Variants in DDX11 observed in about 807,000 individuals in gnomAD.
DDX11 encodes the protein DEAD/H-box helicase 11.
Under a neutral mutation model 125.2 loss-of-function variants are expected in DDX11, and 72 were observed. The ratio of observed to expected loss-of-function variants is 0.58; its 90% confidence interval spans 0.48 to 0.70. The LOEUF is 0.70. Among genes scored for constraint, DDX11 ranks in the 30% least tolerant of loss-of-function variants. The pLI, the probability that DDX11 is intolerant of heterozygous loss-of-function variation, is 0.00. For synonymous variants in DDX11, 347 were observed against 452.6 expected (o/e 0.77, Z 2.96); for missense variants, 883 against 1,165.0 (o/e 0.76, Z 3.52).
Position 31,101,894 on chromosome 12 carries a change from G to T in DDX11, c.2114G>T (p.Cys705Phe). The change falls in exon 21 of 27, where the codon TGT becomes TTT. Residue 705 changes from cysteine (C) to phenylalanine (F), a missense_variant. This residue lies in a region of DDX11 where 285 missense variants were observed against 346.0 expected (regional missense o/e 0.82). Coordinates refer to ENST00000542838, the MANE Select transcript of DDX11 (RefSeq NM_030653.4). The part of the protein sequence containing the change: ...LCGVVPGGVV[C>F]FFPSYEYLRQ... Reference sequence around the variant, plus strand: ...GGTGTGGTTCCTGGAGGGGTGGTCTGTTTCTTCCCCTCCTACGAGTACCTG... The same window carrying T: ...GGTGTGGTTCCTGGAGGGGTGGTCTTTTTCTTCCCCTCCTACGAGTACCTG... 1 of 1,613,932 alleles carries T rather than the reference G, an allele frequency of 6.2e-7. No individual in the cohort carries two copies. The highest frequency in any genetic ancestry group is 8.5e-7 in the Non-Finnish European group (1 of 1,179,836).
intron 2 of DDX11, among the ~76,000 whole-genome samples, chr12:31,079,712 C>T (rs879403923): frequency 2.0e-5 from 3 of 152,168 alleles, no homozygotes; most frequent in Non-Finnish European, 4.4e-5. Flanking sequence ...TGGTCTCGAA[C>T]TCAAGCGATC....
intron 20 of DDX11, 135 bp downstream of exon 20, chr12:31,101,265 C>T (rs1946326638): frequency 1.3e-5 from 10 of 768,716 alleles, no homozygotes; most frequent in Non-Finnish European, 1.8e-5. Context: ...CTTAGAGCCA[C>T]ACAGAATGAG....
rs556767019 is a variant in DDX11, at chr12:31,097,997, G to A, written c.1875G>A (p.Pro625=). ...TCATTGCGGGGGGTACCATGCAGCC[G>A]GTAAGGACACCTTTCCCAGCCCCTC... ...AVVIAGGTMQ[P]VSDFRQQLLA... is the part of the protein sequence containing the mutation. The change falls in exon 18 of 27, where the codon CCG becomes CCA. Residue 625 remains proline (P), a splice_region_variant and synonymous_variant. Coordinates refer to ENST00000542838, the MANE Select transcript of DDX11 (RefSeq NM_030653.4). The A allele has an allele frequency of 2.5e-5, 40 of 1,612,634 alleles. No individual in the cohort carries two copies. The highest frequency in any genetic ancestry group is 1.7e-4 in the Middle Eastern group (1 of 6,046).
rs536729996 is a variant in DDX11, at chr12:31,073,914, T to C, written c.-182T>C. On this transcript the variant is annotated 5_prime_UTR_variant, in exon 1 of 27. Transcript: ENST00000542838. ...CCCGCCAGTTTCTAACTCAGTGGCG[T>C]TTGCCCTGATTCCCGGGGCCTGGCT... 1.3e-5 allele frequency: 2 copies of C among 152,360 alleles called. No homozygotes were observed. Among genetic ancestry groups the C allele is most frequent in the Non-Finnish European group, 1.5e-5 (1 of 68,036 alleles). 9.4% of individuals were successfully genotyped at this position (152,360 alleles called of 1,614,324 possible). A position where few individuals can be genotyped will look rare whatever the true frequency, so the allele number is the denominator to read the frequency against.
At chr12:31,075,514 T>C (rs1940576745) in intron 1 of DDX11, among the ~76,000 whole-genome samples, 1 of 151,768 alleles carries the variant, frequency 6.6e-6, no homozygotes, top group Non-Finnish European at 1.5e-5. Flanking sequence ...TCAGTTTCTT[T>C]CTCTATAAAA....
At chr12:31,094,913 G>A in intron 14 of DDX11, 91 bp downstream of exon 14, 1 of 1,426,094 alleles carries the variant, frequency 7.0e-7, no homozygotes, top group South Asian at 1.2e-5. Context: ...GTAGAAGGAA[G>A]AAAAAGCAAA....
At chr12:31,100,146 G>A (rs985098595) in intron 18 of DDX11, among the ~76,000 whole-genome samples, 5 of 152,094 alleles carry the variant, frequency 3.3e-5, no homozygotes, top group African/African-American at 2.4e-5. Flanking sequence ...CTAAATATGG[G>A]ATTCCTGGGT....
intron 5 of DDX11, chr12:31,087,599 T>C (rs1943379885): frequency 2.5e-6 from 1 of 397,240 alleles, no homozygotes. Flanking sequence ...GAAGAGCAAA[T>C]ATCCGCCCTG....
At position 31,096,896 on chromosome 12, in the gene DDX11, C is replaced by G. The variant is rs1367791909; in HGVS notation, c.1668C>G (p.Thr556=). ...CTGCAGACGAGAGTCAGGCCAGCACCCTGCGACCAGCTTCTCCACTGATGC... is the reference window on the plus strand; with the variant it reads ...CTGCAGACGAGAGTCAGGCCAGCACGCTGCGACCAGCTTCTCCACTGATGC... ...AAPADESQAS[T]LRPASPLMHI... is the part of the protein sequence containing the mutation. Residue 556 remains threonine (T), a synonymous_variant, in exon 17 of 27, where the codon ACC becomes ACG. Transcript: ENST00000542838. The G allele has an allele frequency of 6.2e-6, 10 of 1,614,158 alleles. No homozygotes were observed. The highest frequency in any genetic ancestry group is 8.5e-6 in the Non-Finnish European group (10 of 1,180,040).
Position 31,094,608 on chromosome 12 carries a change from C to T in DDX11, c.1388C>T (p.Pro463Leu), listed in dbSNP as rs1363780956. The change falls in exon 13 of 27, where the codon CCC becomes CTC. Residue 463 changes from proline (P) to leucine (L), a missense_variant. By Grantham distance (98) the Pro-to-Leu change is moderately conservative. Transcript: ENST00000542838. ...AVLGGNIKQN[P>L]NTQSLSQTGT... ...TTTTTAGGGAACATTAAGCAAAATCCCAATACACAGAGTCTGTCACAGACA... is the reference window on the plus strand; with the variant it reads ...TTTTTAGGGAACATTAAGCAAAATCTCAATACACAGAGTCTGTCACAGACA... 1.3e-6 allele frequency: 2 copies of T among 1,579,212 alleles called. No homozygotes were observed. The highest frequency in any genetic ancestry group is 1.7e-6 in the Non-Finnish European group (2 of 1,164,222).
chr12:31,074,473 A>C (rs1441044786), intron 1 of DDX11: 1 of 152,258 alleles, frequency 6.6e-6, no homozygotes. Context: ...AGCTTCCCCC[A>C]GGGCGGGAAT....
intron 6 of DDX11, 44 bp from the exon 7 acceptor site, chr12:31,089,000 T>C (rs1398893824): frequency 2.0e-6 from 3 of 1,478,802 alleles, no homozygotes; most frequent in Non-Finnish European, 2.8e-6. Context: ...TGCTGTGGGA[T>C]GTTTTGGTTC....
At position 31,099,089 on chromosome 12, in the gene DDX11, T is replaced by C. The variant is rs1391947154; in HGVS notation, c.1875+1092T>C. 7.9e-3 allele frequency among the ~76,000 whole-genome samples: 892 copies of C among 112,866 alleles called. 3 individuals are homozygous for C. The highest frequency in any genetic ancestry group is 0.023 in the Admixed American group (214 of 9,206). 74.0% of individuals were successfully genotyped at this position (112,866 alleles called of 152,430 possible). On this transcript the variant is annotated intron_variant, in intron 18 of 26. Coordinates refer to ENST00000542838, the MANE Select transcript of DDX11 (RefSeq NM_030653.4). ...TGGTATTTCTTTCTTTCTTTCTTTT[T>C]TTTTTTTTTTTTTTTTGAGACACAG...
chr12:31,102,178 C>T (rs1390082418), intron 21 of DDX11, 65 bp from the exon 22 acceptor site: 4 of 1,563,926 alleles, frequency 2.6e-6, no homozygotes, highest in Non-Finnish European at 3.5e-6. Flanking sequence ...AACACAAGGC[C>T]ACGAGCAGAC....
At position 31,103,390 on chromosome 12, in the gene DDX11, C is replaced by T. The variant is rs748668316; in HGVS notation, c.2531C>T (p.Ser844Phe). 5.6e-6 allele frequency: 9 copies of T among 1,609,154 alleles called. No individual in the cohort carries two copies. In the South Asian group the frequency reaches 8.9e-5, roughly 16 times the overall value. The part of the protein sequence containing the change: ...ENLCMKAVNQ[S>F]IGRAIRHQKD... ...CTGTGCATGAAGGCCGTCAACCAGT[C>T]CATAGGTGAGCCTGGCTGCCTCCAG... The change falls in exon 25 of 27, where the codon TCC becomes TTC. Residue 844 changes from serine to phenylalanine, a missense_variant. Transcript: ENST00000542838.
chr12:31,076,337 G>T (rs945564576), intron 1 of DDX11, among the ~76,000 whole-genome samples: 2 of 152,154 alleles, frequency 1.3e-5, no homozygotes, highest in Non-Finnish European at 2.9e-5. Context: ...TGTGTTTGCT[G>T]GTGACGTTCC....
intron 1 of DDX11, chr12:31,074,314 A>T (rs1054809495): frequency 2.0e-5 from 3 of 152,244 alleles, no homozygotes; most frequent in Non-Finnish European, 2.9e-5. Flanking sequence ...TTACGTAGAT[A>T]AGACACTGCA....
At chr12:31,095,508 C>T (rs1381284040) in intron 14 of DDX11, among the ~76,000 whole-genome samples, 1 of 152,228 alleles carries the variant, frequency 6.6e-6, no homozygotes, top group Non-Finnish European at 1.5e-5. Flanking sequence ...TGGGGCCCCA[C>T]ATTCTTCCCA....
chr12:31,091,540 A>G, intron 9 of DDX11, 179 bp from the exon 10 acceptor site: 1 of 624,066 alleles, frequency 1.6e-6, no homozygotes, highest in Non-Finnish European at 2.8e-6. Context: ...TGTTTCATGT[A>G]TTGGCTTTTC....
Sources: allele counts gnomAD v4.1 joint callset (sites outside exome capture counted in the v4.1 genomes callset), GRCh38; gene constraint gnomAD v4.1.1; regional missense constraint gnomAD v4.1.1; transcripts MANE v1.5; gene names NCBI Gene and HGNC (gene_info 2026-07-23, HGNC 2026-07-21).